Variants in SLC17A1 observed in about 807,000 individuals in gnomAD.
SLC17A1 encodes the protein sodium-dependent phosphate transport protein 1.
Under a neutral mutation model 53.5 loss-of-function variants are expected in SLC17A1, and 51 were observed. That is an observed-to-expected ratio of 0.95 (90% CI 0.76 to 1.20). The LOEUF (loss-of-function observed/expected upper bound fraction) is 1.20, where lower values mean the gene tolerates loss of function less well. SLC17A1 is among the 50% of genes most tolerant of loss of function. The pLI is 0.00. For missense variants in SLC17A1, 538 were observed against 568.2 expected (o/e 0.95, Z 0.54); for synonymous variants, 179 against 198.8 (o/e 0.90, Z 0.84).
At chr6:25,806,998 AT>A (rs1763978890) in intron 10 of SLC17A1, among the ~76,000 whole-genome samples, 1 of 152,108 alleles carries the variant, frequency 6.6e-6, no homozygotes, top group Non-Finnish European at 1.5e-5. Flanking sequence ...TCCTGGAAGA[AT>A]GGCCATTATT....
intron 3 of SLC17A1, among the ~76,000 whole-genome samples, chr6:25,820,783 C>T (rs1764528186): frequency 6.6e-6 from 1 of 151,234 alleles, no homozygotes; most frequent in Admixed American, 6.6e-5. Context: ...CCTGTAGTCC[C>T]AGCTACTCGG....
intron 6 of SLC17A1, among the ~76,000 whole-genome samples, chr6:25,816,846 C>G (rs933708475): frequency 2.8e-5 from 4 of 140,798 alleles, no homozygotes; most frequent in Non-Finnish European, 6.1e-5. Context: ...GATGGCCAGG[C>G]CATTTTTTTT....
chr6:25,738,515 A>T, the SLC17A1 span, among the ~76,000 whole-genome samples: 3 of 152,258 alleles, frequency 2.0e-5, no homozygotes, highest in South Asian at 6.2e-4. Flanking sequence ...AAGTTTTTAG[A>T]CATGAAATCA....
the SLC17A1 span, among the ~76,000 whole-genome samples, chr6:25,762,848 T>G: frequency 6.6e-6 from 1 of 152,224 alleles, no homozygotes; most frequent in African/African-American, 2.4e-5. Flanking sequence ...GAAGGTCTCA[T>G]CTGTTTCTAA....
chr6:25,780,487 GAAGA>G (rs1763240536), downstream of SLC17A1: 1 of 152,196 alleles, frequency 6.6e-6, no homozygotes, highest in African/African-American at 2.4e-5. Flanking sequence ...AATATTTTAG[GAAGA>G]AAGAACAGCA....
chr6:25,776,450 G>C, the SLC17A1 span: 1 of 893,262 alleles, frequency 1.1e-6, no homozygotes, highest in Non-Finnish European at 1.7e-6. Flanking sequence ...AAAGTATATT[G>C]GCTCATTATA....
the SLC17A1 span, chr6:25,726,535 C>A: frequency 6.9e-6 from 11 of 1,600,762 alleles, no homozygotes; most frequent in African/African-American, 1.5e-4. Flanking sequence ...CATCTCCTCG[C>A]ATCAAATTGC....
chr6:25,806,144 C>A (rs1471686792), intron 10 of SLC17A1, among the ~76,000 whole-genome samples: 1 of 152,078 alleles, frequency 6.6e-6, no homozygotes, highest in Non-Finnish European at 1.5e-5. Context: ...TCTAGCTAAC[C>A]AAATCCAGCA....
intron 12 of SLC17A1, among the ~76,000 whole-genome samples, chr6:25,798,121 C>T (rs2151479101): frequency 6.6e-6 from 1 of 152,248 alleles, no homozygotes; most frequent in South Asian, 2.1e-4. Context: ...TACTAATGAT[C>T]ATTGATATTC....
intron 12 of SLC17A1, among the ~76,000 whole-genome samples, chr6:25,787,796 C>A (rs1361729893): frequency 2.0e-5 from 3 of 152,150 alleles, no homozygotes; most frequent in Non-Finnish European, 4.4e-5. Context: ...ATGGCTTCAT[C>A]CCCCTTACCC....
In SLC17A1 at chr6:25,819,544, C is replaced by G; in HGVS notation, c.496G>C (p.Glu166Gln). Residue 166 changes from glutamate to glutamine, a missense_variant, in exon 5 of 13, where the codon GAA becomes CAA. Glu to Gln is a conservative substitution (Grantham distance 29). Coordinates refer to ENST00000244527, the MANE Select transcript of SLC17A1 (RefSeq NM_005074.5). ...EIYVKWAPPL[E>Q]RGRLTSMSTS... is the part of the protein sequence containing the mutation. Reference sequence around the variant, plus strand: ...CTCATAGAAGTAAGTCGGCCTCGTTCCAGGGGAGGAGCCCATTTGACATAT... The same window carrying G: ...CTCATAGAAGTAAGTCGGCCTCGTTGCAGGGGAGGAGCCCATTTGACATAT... 1 of 1,614,112 alleles carries G rather than the reference C, an allele frequency of 6.2e-7. No homozygotes were observed. Among genetic ancestry groups the G allele is most frequent in the Non-Finnish European group, 8.5e-7 (1 of 1,179,964 alleles).
intron 10 of SLC17A1, among the ~76,000 whole-genome samples, chr6:25,808,361 G>A (rs1055759829): frequency 6.6e-6 from 1 of 151,740 alleles, no homozygotes; most frequent in Non-Finnish European, 1.5e-5. Flanking sequence ...ATGGGAGGAC[G>A]GGCAAGGGAT....
the SLC17A1 span, among the ~76,000 whole-genome samples, chr6:25,725,390 T>G: frequency 6.6e-6 from 1 of 152,230 alleles, no homozygotes; most frequent in Non-Finnish European, 1.5e-5. Context: ...ATCAAATATA[T>G]ATGCTTACCC....
chr6:25,738,560 T>A, the SLC17A1 span, among the ~76,000 whole-genome samples: 1 of 152,020 alleles, frequency 6.6e-6, no homozygotes, highest in Non-Finnish European at 1.5e-5. Context: ...AGTAAAAGCT[T>A]TTGTTCTGTG....
At chr6:25,726,056 G>C in the SLC17A1 span, 2 of 1,345,194 alleles carry the variant, frequency 1.5e-6, no homozygotes, top group Non-Finnish European at 2.0e-6. Flanking sequence ...GCCTTTTTCT[G>C]AGACGGTAGG....
the SLC17A1 span, among the ~76,000 whole-genome samples, chr6:25,741,903 T>C: frequency 6.6e-6 from 1 of 151,742 alleles, no homozygotes; most frequent in Non-Finnish European, 1.5e-5. Context: ...GTATACAAAA[T>C]ATCACATTGT....
chr6:25,825,975 G>T lies in SLC17A1; in HGVS notation c.207+486C>A, dbSNP rs549932690. 2.0e-5 allele frequency among the ~76,000 whole-genome samples: 3 copies of T among 151,892 alleles called. No homozygotes were observed. The East Asian group carries it at 5.8e-4, about 29-fold the overall frequency. ...TATAATTTCCTTGATTTCTAGTATT[G>T]CTTTTTCATTCTTTTTATAGTTTCC... On this transcript the variant is annotated intron_variant, in intron 3 of 12. Coordinates refer to ENST00000244527, the MANE Select transcript of SLC17A1 (RefSeq NM_005074.5).
chr6:25,740,298 T>C, the SLC17A1 span, among the ~76,000 whole-genome samples: 2 of 152,154 alleles, frequency 1.3e-5, no homozygotes, highest in Non-Finnish European at 2.9e-5. Context: ...AAAACTAAAA[T>C]ATGATCCACA....
At chr6:25,785,256 G>A (rs1763356825) in intron 12 of SLC17A1, among the ~76,000 whole-genome samples, 1 of 152,078 alleles carries the variant, frequency 6.6e-6, no homozygotes, top group South Asian at 2.1e-4. Flanking sequence ...TAAAGAAGCT[G>A]TCTTAGCTAA....
Sources: allele counts gnomAD v4.1 joint callset (sites outside exome capture counted in the v4.1 genomes callset), GRCh38; gene constraint gnomAD v4.1.1; transcripts MANE v1.5; gene names NCBI Gene and HGNC (gene_info 2026-07-23, HGNC 2026-07-21).